Variants in RNF144A observed in about 807,000 individuals in gnomAD.
The protein encoded by RNF144A is E3 ubiquitin-protein ligase RNF144A.
A neutral mutation model predicts 38.7 loss-of-function variants in RNF144A; 11 were observed. The observed-to-expected ratio is 0.28, with a 90% CI of 0.18 to 0.47. The LOEUF (loss-of-function observed/expected upper bound fraction) is 0.47. Ranked by LOEUF, RNF144A falls within the 20% of genes least tolerant of loss-of-function variation. The pLI is 0.99. For synonymous variants in RNF144A, 149 were observed against 143.9 expected, an observed-to-expected ratio of 1.04 and a Z score of -0.25; for missense variants, 316 against 377.2, an observed-to-expected ratio of 0.84 and a Z score of 1.34.
chr2:7,047,583 CACA>C (rs1053704176), downstream of RNF144A, among the ~76,000 whole-genome samples: 296 of 152,294 alleles, frequency 1.9e-3, 8 homozygotes, highest in Non-Finnish European at 3.7e-4. Flanking sequence ...GGGTCCCTCT[CACA>C]ACATGTGGGA....
At chr2:6,992,090 G>T (rs531097938) in intron 2 of RNF144A, among the ~76,000 whole-genome samples, 3 of 152,288 alleles carry the variant, frequency 2.0e-5, no homozygotes, top group Admixed American at 1.3e-4. Context: ...GCTGAGTTTT[G>T]GTATTGTTGA....
At chr2:7,066,121 T>G (rs557442696) in intron 6 of RNF144A, among the ~76,000 whole-genome samples, 1 of 152,158 alleles carries the variant, frequency 6.6e-6, no homozygotes, top group East Asian at 1.9e-4. Context: ...GGAGTCTCAC[T>G]CTGTTGCCCA....
At chr2:6,956,013 G>A (rs115812947) in intron 2 of RNF144A, among the ~76,000 whole-genome samples, 190 of 152,236 alleles carry the variant, frequency 1.2e-3, no homozygotes, top group African/African-American at 4.4e-3. Context: ...TACAAAATCC[G>A]TACAGCTCCT....
At chr2:6,989,195 A>C (rs1475274069) in intron 2 of RNF144A, among the ~76,000 whole-genome samples, 1 of 152,244 alleles carries the variant, frequency 6.6e-6, no homozygotes, top group Non-Finnish European at 1.5e-5. Context: ...GTGTGTGCAC[A>C]CAAGTCTATA....
intron 1 of RNF144A, among the ~76,000 whole-genome samples, chr2:6,926,580 A>T (rs1470212877): frequency 6.6e-6 from 1 of 152,198 alleles, no homozygotes; most frequent in Non-Finnish European, 1.5e-5. Context: ...TGTGTGTTCC[A>T]TCAATAGGTT....
At chr2:6,935,836 C>T (rs1382758623) in intron 1 of RNF144A, among the ~76,000 whole-genome samples, 2 of 152,370 alleles carry the variant, frequency 1.3e-5, no homozygotes, top group East Asian at 3.9e-4. Context: ...GCAATCTGCA[C>T]ACCTACCCTA....
chr2:7,023,678 A>C (rs569638603), intron 6 of RNF144A, among the ~76,000 whole-genome samples: 1 of 152,310 alleles, frequency 6.6e-6, no homozygotes, highest in African/African-American at 2.4e-5. Context: ...ACCCTTTATC[A>C]AGCACTTCAT....
At chr2:6,936,539 G>A (rs2103289035) in intron 1 of RNF144A, among the ~76,000 whole-genome samples, 1 of 152,182 alleles carries the variant, frequency 6.6e-6, no homozygotes, top group South Asian at 2.1e-4. Context: ...ATTTAACAAG[G>A]AGTCATCTTA....
Position 6,990,385 on chromosome 2 carries a change from TACACACACACACACACAC to T in RNF144A, c.-11-6497_-11-6480del, listed in dbSNP as rs60196595. Among the ~76,000 whole-genome samples the T allele has an allele frequency of 4.3e-3, 538 of 123,886 alleles. 6 individuals are homozygous for T. The highest frequency in any genetic ancestry group is 0.014 in the African/African-American group (466 of 33,272). The allele number at this position is 123,886 out of a possible 152,430, so 81.3% of individuals were successfully genotyped here. A position where few individuals can be genotyped will look rare whatever the true frequency, so the allele number is the denominator to read the frequency against. ...TTCCTTCCTAAAGACTATATATATT[TACACACACACACACACAC>T]ACACACACACACACACACACACACA... On this transcript the variant is annotated intron_variant, in intron 2 of 8. Coordinates refer to ENST00000320892, the MANE Select transcript of RNF144A (RefSeq NM_014746.6).
At chr2:6,918,263 G>C (rs1664274342) in intron 1 of RNF144A, 1 of 152,404 alleles carries the variant, frequency 6.6e-6, no homozygotes, top group African/African-American at 2.4e-5. Flanking sequence ...GAGCCCCGGA[G>C]TTCCCTGCGG....
Position 7,041,999 on chromosome 2 carries a change from A to G in RNF144A, c.*2239A>G. On this transcript the variant is annotated 3_prime_UTR_variant, in exon 9 of 9. Transcript: ENST00000320892. ...GTTTCACAAGCACGTAGTTCAACCC[A>G]GATAGGGACCACAGAGATTCTGGGG... The G allele has an allele frequency of 1.0e-6, 1 of 985,416 alleles. No homozygotes were observed. The allele number at this position is 985,416 out of a possible 1,614,324, so 61.0% of individuals were successfully genotyped here.
intron 2 of RNF144A, among the ~76,000 whole-genome samples, chr2:6,959,792 C>T (rs758173657): frequency 3.3e-5 from 5 of 152,152 alleles, no homozygotes; most frequent in African/African-American, 4.8e-5. Flanking sequence ...GATCACCACC[C>T]CCCCCATACT....
intron 7 of RNF144A, among the ~76,000 whole-genome samples, chr2:7,027,920 C>G (rs779897876): frequency 8.9e-5 from 13 of 146,142 alleles, no homozygotes; most frequent in Non-Finnish European, 1.5e-4. Flanking sequence ...TACATGAAAT[C>G]TGGCTGTGTG....
chr2:7,048,463 A>G (rs1318607939), downstream of RNF144A, among the ~76,000 whole-genome samples: 2 of 152,182 alleles, frequency 1.3e-5, no homozygotes, highest in African/African-American at 4.8e-5. Context: ...TATAACAAAC[A>G]ACGAGCAGAC....
chr2:7,004,119 C>T (rs1015404628), intron 3 of RNF144A, among the ~76,000 whole-genome samples: 1 of 152,234 alleles, frequency 6.6e-6, no homozygotes, highest in African/African-American at 2.4e-5. Flanking sequence ...CTTGCTGTCC[C>T]ACTGCCACTG....
intron 8 of RNF144A, among the ~76,000 whole-genome samples, chr2:7,039,284 G>A (rs1054127260): frequency 1.3e-5 from 2 of 149,904 alleles, no homozygotes; most frequent in Non-Finnish European, 3.0e-5. Flanking sequence ...GGTAGATGAT[G>A]GTTAGATGGG....
At chr2:6,999,641 G>T (rs1030524221) in intron 3 of RNF144A, among the ~76,000 whole-genome samples, 1 of 152,168 alleles carries the variant, frequency 6.6e-6, no homozygotes, top group African/African-American at 2.4e-5. Context: ...CCCTGAGCAG[G>T]CCTCATTTAC....
At chr2:6,959,246 T>G (rs1012088569) in intron 2 of RNF144A, among the ~76,000 whole-genome samples, 1 of 152,130 alleles carries the variant, frequency 6.6e-6, no homozygotes, top group African/African-American at 2.4e-5. Flanking sequence ...TTTCACAACT[T>G]GTTCTCTCAG....
intron 6 of RNF144A, among the ~76,000 whole-genome samples, chr2:7,052,838 A>AACACACACACACACAC (rs10670138): frequency 4.6e-4 from 69 of 150,078 alleles, no homozygotes; most frequent in Middle Eastern, 3.4e-3. Context: ...CCCCCTTTCC[A>AACACACACACACACAC]ACACACACAC....
Sources: gnomAD v4.1 joint callset for allele counts (sites outside exome capture counted in the v4.1 genomes callset) on GRCh38, gnomAD v4.1.1 for gene constraint, MANE v1.5 for transcripts, NCBI Gene and HGNC (gene_info 2026-07-23, HGNC 2026-07-21) for gene names.